The following ANKRD13A variants were observed in gnomAD, a reference collection of about 807,000 sequenced individuals.
ANKRD13A encodes the protein ankyrin repeat domain-containing protein 13A.
ANKRD13A carries 48 observed loss-of-function variants against 81.3 expected under a neutral mutation model. That is an observed-to-expected ratio of 0.59 (90% CI 0.47 to 0.75). The LOEUF (loss-of-function observed/expected upper bound fraction) is 0.75. ANKRD13A is among the 30% of genes least tolerant of loss of function. The pLI is 0.00. For synonymous variants in ANKRD13A, 230 were observed against 270.1 expected, an observed-to-expected ratio of 0.85 and a Z score of 1.45; for missense variants, 612 against 734.0, an observed-to-expected ratio of 0.83 and a Z score of 1.92.
chr12:110,029,407 C>G, intron 10 of ANKRD13A, 71 bp from the exon 11 acceptor site: 1 of 1,539,710 alleles, frequency 6.5e-7, no homozygotes. Context: ...GTCTAGCCTA[C>G]TGCATAGCAA....
chr12:109,999,408 T>C (rs1165564134), upstream of ANKRD13A: 2 of 183,630 alleles, frequency 1.1e-5, no homozygotes, highest in Non-Finnish European at 1.1e-5. The surrounding 1 kb of genome is among the most constrained non-coding windows in gnomAD (Gnocchi z 4.3). Context: ...CGCACTTCCC[T>C]GTTTGGGGCA....
At position 110,036,432 on chromosome 12, in the gene ANKRD13A, G is replaced by A. The variant is rs542492677; in HGVS notation, c.1577+104G>A. 107 of 1,209,210 alleles carry A rather than the reference G, an allele frequency of 8.8e-5. No individual in the cohort carries two copies. Among genetic ancestry groups the A allele is most frequent in the African/African-American group, 6.8e-4 (45 of 66,606 alleles). The allele number at this position is 1,209,210 out of a possible 1,614,324, so 74.9% of individuals were successfully genotyped here. Reference sequence around the variant, plus strand: ...GCATTTGGTCCTCAGGCAGATGTACGGTGCCACAAACTGGCAGGAAAGACT... The same window carrying A: ...GCATTTGGTCCTCAGGCAGATGTACAGTGCCACAAACTGGCAGGAAAGACT... On this transcript the variant is annotated intron_variant, in intron 14 of 14. Coordinates refer to ENST00000261739, the MANE Select transcript of ANKRD13A (RefSeq NM_033121.2). This position sits in a 1 kb window ranked among gnomAD's most constrained non-coding sequence, Gnocchi z 4.6.
At chr12:110,013,981 C>T (rs2137110492) in intron 3 of ANKRD13A, among the ~76,000 whole-genome samples, 1 of 152,214 alleles carries the variant, frequency 6.6e-6, no homozygotes, top group Admixed American at 6.5e-5. Context: ...TGTTAAGGCT[C>T]AGAGGTCTGT....
At position 110,012,143 on chromosome 12, in the gene ANKRD13A, T is replaced by C; in HGVS notation, c.229+6T>C. 1 of 1,599,722 alleles carries C rather than the reference T, an allele frequency of 6.3e-7. No individual in the cohort carries two copies. Among genetic ancestry groups the C allele is most frequent in the Non-Finnish European group, 8.6e-7 (1 of 1,168,302 alleles). ...AAATCGCCAGGGATGGACAGGTAAG[T>C]ATACTTTTACAATAATTTAAAGTCC... On this transcript the variant is annotated splice_donor_region_variant and intron_variant, in intron 2 of 14. Transcript: ENST00000261739.
At chr12:110,017,957 T>C (rs1890877558) in intron 4 of ANKRD13A, among the ~76,000 whole-genome samples, 1 of 151,862 alleles carries the variant, frequency 6.6e-6, no homozygotes, top group East Asian at 1.9e-4. Context: ...TGGCATACTT[T>C]AGACATTTGA....
At chr12:110,025,349 C>A (rs1891264809) in intron 7 of ANKRD13A, among the ~76,000 whole-genome samples, 1 of 144,842 alleles carries the variant, frequency 6.9e-6, no homozygotes. Flanking sequence ...GAGGGAGACT[C>A]TGTCTCAAAA....
Position 110,039,525 on chromosome 12 carries a change from G to C in ANKRD13A, c.*1971G>C, listed in dbSNP as rs1892247184. 6.6e-6 allele frequency: 1 copy of C among 152,198 alleles called. No individual in the cohort carries two copies. Among genetic ancestry groups the C allele is most frequent in the South Asian group, 2.1e-4 (1 of 4,822 alleles). The allele number at this position is 152,198 out of a possible 1,614,324, so 9.4% of individuals were successfully genotyped here. ...ACGTATGTCAGTAGAACATTAGAAT[G>C]CCTCACTTCGCTCAGTTCATCACTG... is the stretch of plus-strand genomic sequence containing the variant. On this transcript the variant is annotated 3_prime_UTR_variant, in exon 15 of 15. Transcript: ENST00000261739.
In ANKRD13A at chr12:110,015,132, G is replaced by T. The variant is rs545608933; in HGVS notation, c.355-1256G>T. ...TTTCTGAATCTTTAGGAACTTACAGGAATGGTAGGTAAGAAAATAATCCTA... is the reference window on the plus strand; with the variant it reads ...TTTCTGAATCTTTAGGAACTTACAGTAATGGTAGGTAAGAAAATAATCCTA... On this transcript the variant is annotated intron_variant, in intron 3 of 14. Transcript: ENST00000261739. Among the ~76,000 whole-genome samples the T allele has an allele frequency of 2.4e-3, 371 of 152,008 alleles. 2 individuals carry two copies. The highest frequency in any genetic ancestry group is 8.4e-3 in the African/African-American group (350 of 41,440).
At chr12:110,010,347 A>G (rs1890455283) in intron 1 of ANKRD13A, among the ~76,000 whole-genome samples, 1 of 152,226 alleles carries the variant, frequency 6.6e-6, no homozygotes, top group Non-Finnish European at 1.5e-5. Context: ...TACTTAGTTT[A>G]TGTAATAGAC....
chr12:110,012,881 G>A lies in ANKRD13A; in HGVS notation c.230-244G>A, dbSNP rs117120831. On this transcript the variant is annotated intron_variant, in intron 2 of 14. Coordinates refer to ENST00000261739, the MANE Select transcript of ANKRD13A (RefSeq NM_033121.2). ...TGTCTAAACACATTATCAGGATTTCGCAACCAGTGGTAAGAATAGGGGTCG... is the reference window on the plus strand; with the variant it reads ...TGTCTAAACACATTATCAGGATTTCACAACCAGTGGTAAGAATAGGGGTCG... Among the ~76,000 whole-genome samples, 334 of 152,220 alleles carry A rather than the reference G, an allele frequency of 2.2e-3. 1 individual carries two copies. The highest frequency in any genetic ancestry group is 0.014 in the East Asian group (70 of 5,182).
intron 7 of ANKRD13A, among the ~76,000 whole-genome samples, chr12:110,024,482 C>T (rs967228345): frequency 2.6e-5 from 4 of 152,036 alleles, no homozygotes; most frequent in African/African-American, 9.7e-5. Context: ...TTTTGAGTCT[C>T]TTTTTTGTTA....
intron 1 of ANKRD13A, among the ~76,000 whole-genome samples, chr12:110,011,709 T>C (rs1380906111): frequency 6.6e-6 from 1 of 152,234 alleles, no homozygotes; most frequent in Admixed American, 6.5e-5. Context: ...TAGACTTAAT[T>C]TGAGTGCTGT....
chr12:110,009,835 C>T (rs1038056157), intron 1 of ANKRD13A, among the ~76,000 whole-genome samples: 9 of 152,124 alleles, frequency 5.9e-5, no homozygotes, highest in Non-Finnish European at 1.3e-4. Context: ...AACTGTTGCC[C>T]AGGAGTTTGA....
At chr12:110,028,260 T>C in intron 9 of ANKRD13A, 1 of 403,884 alleles carries the variant, frequency 2.5e-6, no homozygotes, top group Non-Finnish European at 4.4e-6. Context: ...TTTCTTTTTT[T>C]CTTTGTTATA....
Position 110,013,149 on chromosome 12 carries a change from G to A in ANKRD13A, c.254G>A (p.Gly85Asp), listed in dbSNP as rs1890614736. The change falls in exon 3 of 15, where the codon GGC (glycine) becomes GAC (aspartate). Residue 85 changes from glycine to aspartate, a missense_variant. Coordinates refer to ENST00000261739, the MANE Select transcript of ANKRD13A (RefSeq NM_033121.2). Reference protein sequence around the residue: ...WTVLHEAVSTGDPEMVYTVLQ... With the variant: ...WTVLHEAVSTDDPEMVYTVLQ... Reference sequence around the variant, plus strand: ...GTTTTACATGAGGCTGTGAGCACTGGCGATCCTGAGATGGTGTACACAGTT... The same window carrying A: ...GTTTTACATGAGGCTGTGAGCACTGACGATCCTGAGATGGTGTACACAGTT... 7 of 1,614,116 alleles carry A rather than the reference G, an allele frequency of 4.3e-6. No individual in the cohort carries two copies. In the East Asian group the frequency reaches 1.6e-4, roughly 36 times the overall value.
chr12:110,036,112 C>A lies in ANKRD13A; in HGVS notation c.1510-149C>A, dbSNP rs934300066. Reference sequence around the variant, plus strand: ...CACTTAGGTGTTGTTTTTGAGGTAACCCAAGTCCCTGTTAGCTTTTCACAC... The same window carrying A: ...CACTTAGGTGTTGTTTTTGAGGTAAACCAAGTCCCTGTTAGCTTTTCACAC... On this transcript the variant is annotated intron_variant, in intron 13 of 14. Transcript: ENST00000261739. The surrounding 1 kb of genome is among the most constrained non-coding windows in gnomAD (Gnocchi z 4.6). 36 of 712,832 alleles carry A rather than the reference C, an allele frequency of 5.1e-5. No homozygotes were observed. The highest frequency in any genetic ancestry group is 4.7e-4 in the Admixed American group (22 of 46,666). The allele number at this position is 712,832 out of a possible 1,614,324, so 44.2% of individuals were successfully genotyped here. A position where few individuals can be genotyped will look rare whatever the true frequency, so the allele number is the denominator to read the frequency against.
intron 1 of ANKRD13A, among the ~76,000 whole-genome samples, chr12:110,004,336 C>T (rs1890135100): frequency 6.6e-6 from 1 of 152,060 alleles, no homozygotes; most frequent in Non-Finnish European, 1.5e-5. Flanking sequence ...TGAATTCCAG[C>T]CGGGCGTGGT....
chr12:110,000,702 C>G (rs889647474), intron 1 of ANKRD13A, among the ~76,000 whole-genome samples: 16 of 151,966 alleles, frequency 1.1e-4, no homozygotes, highest in African/African-American at 3.9e-4. Context: ...CTTCTCCGGC[C>G]CCCAAAGCCG....
At chr12:110,023,871 G>A (rs1891187939) in intron 6 of ANKRD13A, 175 bp from the exon 7 acceptor site, 2 of 583,022 alleles carry the variant, frequency 3.4e-6, no homozygotes, top group Non-Finnish European at 3.1e-6. Flanking sequence ...GAGGAGGGTG[G>A]AGGGTGCATA....
Sources: allele counts gnomAD v4.1 joint callset (sites outside exome capture counted in the v4.1 genomes callset), GRCh38; gene constraint gnomAD v4.1.1; non-coding constraint Gnocchi (gnomAD v3.1); transcripts MANE v1.5; gene names NCBI Gene and HGNC (gene_info 2026-07-23, HGNC 2026-07-21).